Variants in NCKAP5 observed in about 807,000 individuals in gnomAD.
NCKAP5 encodes NCK associated protein 5.
NCKAP5 carries 92 observed loss-of-function variants against 167.0 expected under a neutral mutation model. The ratio of observed to expected loss-of-function variants is 0.55; its 90% confidence interval spans 0.47 to 0.66. The LOEUF is 0.66. Among genes scored for constraint, NCKAP5 ranks in the 30% least tolerant of loss-of-function variants. NCKAP5 has a pLI of 0.00. For synonymous variants in NCKAP5, 891 were observed against 877.4 expected, an observed-to-expected ratio of 1.02 and a Z score of -0.27; for missense variants, 2,378 against 2,315.0, an observed-to-expected ratio of 1.03 and a Z score of -0.56.
At chr2:133,095,950 C>A (rs1168681084) in intron 6 of NCKAP5, among the ~76,000 whole-genome samples, 1 of 152,068 alleles carries the variant, frequency 6.6e-6, no homozygotes. Flanking sequence ...GGACACATGG[C>A]CTCAGGGTGA....
chr2:133,297,165 CAG>C (rs1491320289), intron 4 of NCKAP5, among the ~76,000 whole-genome samples: 3 of 122,268 alleles, frequency 2.5e-5, no homozygotes, highest in East Asian at 4.5e-4. Context: ...CAGGTTGTCA[CAG>C]TGTGTGTGTG....
At chr2:133,189,906 G>A (rs1404919570) in intron 5 of NCKAP5, among the ~76,000 whole-genome samples, 1 of 152,094 alleles carries the variant, frequency 6.6e-6, no homozygotes, top group Non-Finnish European at 1.5e-5. Flanking sequence ...TCAACACAGT[G>A]TTGGAAGTTC....
At chr2:133,291,683 G>C (rs564020895) in intron 4 of NCKAP5, among the ~76,000 whole-genome samples, 20 of 152,342 alleles carry the variant, frequency 1.3e-4, no homozygotes, top group African/African-American at 4.8e-4. Flanking sequence ...AGGTACCCCT[G>C]AGGCAAACTC....
At chr2:133,616,953 C>G in the NCKAP5 span, among the ~76,000 whole-genome samples, 2 of 152,188 alleles carry the variant, frequency 1.3e-5, no homozygotes, top group African/African-American at 4.8e-5. Flanking sequence ...GGTTATCCAC[C>G]ATGATCAAGT....
At chr2:133,408,197 G>C (rs542538361) in intron 3 of NCKAP5, among the ~76,000 whole-genome samples, 36 of 152,312 alleles carry the variant, frequency 2.4e-4, no homozygotes, top group African/African-American at 8.7e-4. Flanking sequence ...GCATGATGAT[G>C]ATGAGGAGAG....
intron 3 of NCKAP5, among the ~76,000 whole-genome samples, chr2:133,314,571 T>A (rs1255769212): frequency 1.3e-5 from 2 of 152,198 alleles, no homozygotes; most frequent in African/African-American, 4.8e-5. Flanking sequence ...ACTGTCCTCC[T>A]AAAGAGATTA....
rs574556545 is a variant in NCKAP5, at chr2:133,164,226, A to G, written c.208-34115T>C. Reference sequence around the variant, plus strand: ...GTGGTCCATCCACACACACAAAAAGAAAAAAACCAACTATGGTGCCAAGTA... The same window carrying G: ...GTGGTCCATCCACACACACAAAAAGGAAAAAACCAACTATGGTGCCAAGTA... On this transcript the variant is annotated intron_variant, in intron 5 of 19. Coordinates refer to ENST00000409261, the MANE Select transcript of NCKAP5 (RefSeq NM_207363.3). 1.4e-4 allele frequency among the ~76,000 whole-genome samples: 22 copies of G among 152,282 alleles called. 1 individual carries two copies. In the South Asian group the frequency reaches 4.6e-3, roughly 32 times the overall value.
In NCKAP5 at chr2:133,207,656, C is replaced by T. The variant is rs557002347; in HGVS notation, c.207+6060G>A. Among the ~76,000 whole-genome samples the T allele has an allele frequency of 5.5e-3, 830 of 150,302 alleles. 9 individuals carry two copies. The highest frequency in any genetic ancestry group is 0.019 in the African/African-American group (767 of 39,818). Reference sequence around the variant, plus strand: ...CTAAGAGAAAAAGGAAAAACAACAACGACAACAACAACAACAACAAAAAAC... The same window carrying T: ...CTAAGAGAAAAAGGAAAAACAACAATGACAACAACAACAACAACAAAAAAC... On this transcript the variant is annotated intron_variant, in intron 5 of 19. Transcript: ENST00000409261.
the NCKAP5 span, among the ~76,000 whole-genome samples, chr2:133,639,941 A>T: frequency 1.3e-5 from 2 of 152,340 alleles, no homozygotes; most frequent in South Asian, 4.1e-4. Flanking sequence ...CAACACAATT[A>T]GGAATGAAAA....
chr2:133,096,576 C>T (rs1336190740), intron 6 of NCKAP5, among the ~76,000 whole-genome samples: 1 of 151,960 alleles, frequency 6.6e-6, no homozygotes, highest in Non-Finnish European at 1.5e-5. Context: ...ACCCAAACAA[C>T]ATTTTTATTT....
chr2:133,671,596 G>A, the NCKAP5 span, among the ~76,000 whole-genome samples: 1 of 152,072 alleles, frequency 6.6e-6, no homozygotes, highest in African/African-American at 2.4e-5. Context: ...ACCACCTCAG[G>A]ACTCTGCAGA....
At chr2:133,531,068 A>G (rs1685318221) in intron 2 of NCKAP5, among the ~76,000 whole-genome samples, 1 of 152,118 alleles carries the variant, frequency 6.6e-6, no homozygotes, top group Non-Finnish European at 1.5e-5. Flanking sequence ...TTGGGCAGCA[A>G]CAGATAATTA....
At chr2:133,224,251 T>C (rs886502978) in intron 4 of NCKAP5, among the ~76,000 whole-genome samples, 1 of 152,202 alleles carries the variant, frequency 6.6e-6, no homozygotes, top group Non-Finnish European at 1.5e-5. Flanking sequence ...ATCTCCTTAG[T>C]GGGAGGTAAG....
At chr2:133,226,298 A>G (rs1022927184) in intron 4 of NCKAP5, among the ~76,000 whole-genome samples, 1 of 152,152 alleles carries the variant, frequency 6.6e-6, no homozygotes, top group African/African-American at 2.4e-5. Context: ...CACAAATATT[A>G]TGTTGCTTAC....
chr2:133,255,413 C>T (rs1408700469), intron 4 of NCKAP5, among the ~76,000 whole-genome samples: 3 of 152,136 alleles, frequency 2.0e-5, no homozygotes, highest in Non-Finnish European at 4.4e-5. Context: ...CCATGAAAAG[C>T]AGAAACCCTG....
At chr2:133,551,120 C>A (rs2104954230) in intron 2 of NCKAP5, among the ~76,000 whole-genome samples, 2 of 152,074 alleles carry the variant, frequency 1.3e-5, no homozygotes, top group South Asian at 4.2e-4. Flanking sequence ...GAAGAACATT[C>A]CATGCTCATG....
chr2:132,767,326 A>G (rs972787195), intron 16 of NCKAP5, among the ~76,000 whole-genome samples: 5 of 151,818 alleles, frequency 3.3e-5, no homozygotes, highest in African/African-American at 9.7e-5. Context: ...GGCTCACCGC[A>G]ACCTCCGCCT....
At chr2:132,923,849 G>T (rs1484596507) in intron 8 of NCKAP5, among the ~76,000 whole-genome samples, 1 of 152,156 alleles carries the variant, frequency 6.6e-6, no homozygotes, top group Non-Finnish European at 1.5e-5. Flanking sequence ...TTAAAAGGGA[G>T]ATTTCCAATG....
At chr2:132,850,378 T>A (rs1472312293) in intron 11 of NCKAP5, among the ~76,000 whole-genome samples, 2 of 152,008 alleles carry the variant, frequency 1.3e-5, no homozygotes. Flanking sequence ...AGTCATGAAG[T>A]GACATTTGGA....
Sources: gnomAD v4.1 joint callset for allele counts (sites outside exome capture counted in the v4.1 genomes callset) on GRCh38, gnomAD v4.1.1 for gene constraint, MANE v1.5 for transcripts, NCBI Gene and HGNC (gene_info 2026-07-23, HGNC 2026-07-21) for gene names.